Variants in DCPH1 observed in about 807,000 individuals in gnomAD.
DCPH1 encodes the protein damage-control phosphatase 1.
the DCPH1 span, among the ~76,000 whole-genome samples, chr6:151,462,240 G>T: frequency 1.3e-5 from 2 of 152,288 alleles, no homozygotes; most frequent in Non-Finnish European, 2.9e-5. Flanking sequence ...ATAGAAAAAT[G>T]TGCATGTCTT....
At chr6:151,467,613 T>A in the DCPH1 span, among the ~76,000 whole-genome samples, 1 of 152,108 alleles carries the variant, frequency 6.6e-6, no homozygotes, top group Non-Finnish European at 1.5e-5. Context: ...TTAGAGAGCT[T>A]AAGTAATTTG....
At chr6:151,468,680 G>A in the DCPH1 span, 1 of 1,613,632 alleles carries the variant, frequency 6.2e-7, no homozygotes, top group African/African-American at 1.3e-5. Flanking sequence ...GATTTTAATT[G>A]GTTAATTGAA....
the DCPH1 span, among the ~76,000 whole-genome samples, chr6:151,463,773 C>T: frequency 6.6e-6 from 1 of 152,134 alleles, no homozygotes; most frequent in African/African-American, 2.4e-5. Context: ...ATATTCAATT[C>T]AGTAAAGATT....
the DCPH1 span, chr6:151,469,464 C>T: frequency 2.2e-5 from 4 of 183,272 alleles, no homozygotes; most frequent in Non-Finnish European, 4.5e-5. Flanking sequence ...TAACCTTGTT[C>T]TTTTCTTAAA....
the DCPH1 span, chr6:151,464,619 G>T: frequency 1.9e-6 from 3 of 1,593,206 alleles, no homozygotes; most frequent in South Asian, 1.1e-5. Flanking sequence ...ACTTCTGCAG[G>T]TAAATGTGAT....
At chr6:151,459,337 T>A in the DCPH1 span, among the ~76,000 whole-genome samples, 1 of 152,240 alleles carries the variant, frequency 6.6e-6, no homozygotes, top group African/African-American at 2.4e-5. Flanking sequence ...TAAGGAGTCA[T>A]GAGAACAGTG....
the DCPH1 span, among the ~76,000 whole-genome samples, chr6:151,456,090 G>A: frequency 2.0e-5 from 3 of 152,214 alleles, no homozygotes; most frequent in African/African-American, 7.2e-5. Context: ...CAAGGCAGAA[G>A]AATTTTTCTT....
At chr6:151,462,005 A>G in the DCPH1 span, among the ~76,000 whole-genome samples, 5 of 152,302 alleles carry the variant, frequency 3.3e-5, no homozygotes, top group East Asian at 1.9e-4. Context: ...TCCTAGGTCA[A>G]TGGCAACTCC....
the DCPH1 span, among the ~76,000 whole-genome samples, chr6:151,456,045 G>A: frequency 5.3e-5 from 8 of 152,286 alleles, no homozygotes; most frequent in East Asian, 1.3e-3. Context: ...CAGAGAGCAC[G>A]GGGTTGGGGG....
the DCPH1 span, among the ~76,000 whole-genome samples, chr6:151,463,880 C>T: frequency 0.1 from 15,589 of 151,994 alleles, 836 homozygotes; most frequent in Middle Eastern, 0.17. Context: ...GTAGCCATGC[C>T]ACATATATCA....
chr6:151,465,038 ATGTGTAC>A, the DCPH1 span, among the ~76,000 whole-genome samples: 3 of 152,170 alleles, frequency 2.0e-5, no homozygotes, highest in African/African-American at 7.2e-5. Flanking sequence ...AGTGAGGATA[ATGTGTAC>A]TGTGTAATTT....
chr6:151,453,325 G>C, the DCPH1 span, among the ~76,000 whole-genome samples: 1 of 152,210 alleles, frequency 6.6e-6, no homozygotes, highest in East Asian at 1.9e-4. Context: ...AGGAAATGTA[G>C]TAGTTAGGAA....
chr6:151,464,961 G>A, the DCPH1 span, among the ~76,000 whole-genome samples: 3 of 152,160 alleles, frequency 2.0e-5, no homozygotes, highest in Non-Finnish European at 2.9e-5. Flanking sequence ...TGGCTCTGTG[G>A]CTAATTTGTG....
At chr6:151,464,244 G>A in the DCPH1 span, among the ~76,000 whole-genome samples, 1 of 150,934 alleles carries the variant, frequency 6.6e-6, no homozygotes, top group African/African-American at 2.5e-5. Context: ...CTTGATTTGG[G>A]AACTTTTTTG....
At chr6:151,457,001 T>C in the DCPH1 span, among the ~76,000 whole-genome samples, 56 of 152,312 alleles carry the variant, frequency 3.7e-4, no homozygotes, top group Admixed American at 2.5e-3. Flanking sequence ...AAGATGTAAA[T>C]TGACACAGAT....
chr6:151,453,448 A>G, the DCPH1 span, among the ~76,000 whole-genome samples: 1 of 152,242 alleles, frequency 6.6e-6, no homozygotes, highest in African/African-American at 2.4e-5. Flanking sequence ...CCTCTGAGGT[A>G]TTAGTGATTT....
At chr6:151,465,570 G>A in the DCPH1 span, among the ~76,000 whole-genome samples, 3 of 152,112 alleles carry the variant, frequency 2.0e-5, no homozygotes, top group South Asian at 2.1e-4. Context: ...GACACAGAAC[G>A]GCTTGTATTA....
At chr6:151,457,062 C>T in the DCPH1 span, among the ~76,000 whole-genome samples, 1 of 152,134 alleles carries the variant, frequency 6.6e-6, no homozygotes, top group Non-Finnish European at 1.5e-5. Context: ...CTCTGTTATA[C>T]CTATGGCCAC....
the DCPH1 span, among the ~76,000 whole-genome samples, chr6:151,461,880 T>C: frequency 7.2e-5 from 11 of 152,184 alleles, no homozygotes; most frequent in Non-Finnish European, 1.6e-4. Context: ...ATCACGGATG[T>C]AGAACTCTTC....
Sources: allele counts gnomAD v4.1 joint callset (sites outside exome capture counted in the v4.1 genomes callset), GRCh38; gene constraint gnomAD v4.1.1; transcripts MANE v1.5; gene names NCBI Gene and HGNC (gene_info 2026-07-23, HGNC 2026-07-21).